ERC1: variants seen among roughly 807,000 people sequenced by gnomAD.
The protein encoded by ERC1 is ELKS/RAB6-interacting/CAST family member 1.
A neutral mutation model predicts 132.0 loss-of-function variants in ERC1; 56 were observed. The observed-to-expected ratio is 0.42, with a 90% CI of 0.34 to 0.53. The LOEUF is 0.53. Among genes scored for constraint, ERC1 ranks in the 20% least tolerant of loss-of-function variants. ERC1 has a pLI of 0.03. For missense variants in ERC1, 1,202 were observed against 1,349.9 expected (o/e 0.89, Z 1.72); for synonymous variants, 478 against 476.1 (o/e 1.00, Z -0.05).
At chr12:1,176,115 A>G (rs986360403) in intron 8 of ERC1, among the ~76,000 whole-genome samples, 2 of 152,236 alleles carry the variant, frequency 1.3e-5, no homozygotes. Context: ...CAGATCCATC[A>G]GAGGAATCAC....
At chr12:1,104,985 G>T (rs1945092536) in intron 4 of ERC1, among the ~76,000 whole-genome samples, 161 bp downstream of exon 4, 1 of 152,184 alleles carries the variant, frequency 6.6e-6, no homozygotes. Flanking sequence ...AAGAATTTCA[G>T]TTTTATTTCC....
chr12:1,164,953 C>A (rs1164670013), intron 8 of ERC1, among the ~76,000 whole-genome samples: 2 of 152,082 alleles, frequency 1.3e-5, no homozygotes, highest in African/African-American at 4.8e-5. Flanking sequence ...GTGTTTTAAT[C>A]TGTTATTTTT....
chr12:1,318,984 GAGGTT>G (rs2081949235), intron 15 of ERC1, among the ~76,000 whole-genome samples: 1 of 152,134 alleles, frequency 6.6e-6, no homozygotes, highest in Non-Finnish European at 1.5e-5. Context: ...TTTTGAAGAA[GAGGTT>G]ATGGAAAAGC....
intron 15 of ERC1, among the ~76,000 whole-genome samples, chr12:1,321,660 G>C (rs2082124772): frequency 6.6e-6 from 1 of 152,162 alleles, no homozygotes; most frequent in African/African-American, 2.4e-5. Flanking sequence ...TACTGGGAAA[G>C]CATGCAGTTG....
At position 1,396,779 on chromosome 12, in the gene ERC1, A is replaced by G. The variant is rs1591763617; in HGVS notation, c.2926-11370A>G. Among the ~76,000 whole-genome samples, 3 of 152,196 alleles carry G rather than the reference A, an allele frequency of 2.0e-5. No homozygotes were observed. The East Asian group carries it at 5.8e-4, about 29-fold the overall frequency. ...AAGGACTTGGGTTTACAAAATGCCT[A>G]TACAGAGAATGGAGGTGAGGCATTG... On this transcript the variant is annotated intron_variant, in intron 16 of 18. Transcript: ENST00000360905.
intron 2 of ERC1, among the ~76,000 whole-genome samples, chr12:1,035,425 G>C (rs549259419): frequency 6.6e-6 from 1 of 152,324 alleles, no homozygotes; most frequent in Non-Finnish European, 1.5e-5. Context: ...AGATGTTTCT[G>C]ATATAAATAC....
chr12:993,149 A>C (rs1960014565), intron 1 of ERC1, among the ~76,000 whole-genome samples: 1 of 152,092 alleles, frequency 6.6e-6, no homozygotes, highest in Admixed American at 6.5e-5. Context: ...ATTATAAATA[A>C]AAGATTTAAT....
At chr12:1,020,325 C>T (rs549402028) in intron 1 of ERC1, among the ~76,000 whole-genome samples, 14 of 152,216 alleles carry the variant, frequency 9.2e-5, no homozygotes, top group Admixed American at 4.6e-4. Context: ...GGCCTGGTGG[C>T]ACATGCCTGT....
At chr12:1,224,540 C>G (rs757950055) in intron 12 of ERC1, among the ~76,000 whole-genome samples, 4 of 152,012 alleles carry the variant, frequency 2.6e-5, no homozygotes, top group Non-Finnish European at 5.9e-5. Flanking sequence ...CCATACTGTA[C>G]TACTTTGTAT....
rs765241171 is a variant in ERC1, at chr12:1,444,742, C to T, written c.3205C>T (p.Arg1069Trp). The T allele has an allele frequency of 6.2e-6, 10 of 1,613,160 alleles. No individual in the cohort carries two copies. Among genetic ancestry groups the T allele is most frequent in the African/African-American group, 4.0e-5 (3 of 74,768 alleles). The stretch of plus-strand genomic sequence containing the variant: ...GGAGAATGAGCTGCAGAAGATGACC[C>T]GGGGGCAGGTGAGCCTCTCACTCAA... ...AWENELQKMT[R>W]GQLQDELEKG... The change falls in exon 18 of 19, where the codon CGG becomes TGG. Residue 1069 changes from arginine to tryptophan, a missense_variant. Physicochemically the swap from Arg to Trp is moderately radical, Grantham distance 101. Coordinates refer to ENST00000360905, the MANE Select transcript of ERC1 (RefSeq NM_178040.4).
At chr12:1,029,608 T>C (rs1639423335) in intron 2 of ERC1, among the ~76,000 whole-genome samples, 1 of 152,156 alleles carries the variant, frequency 6.6e-6, no homozygotes, top group Non-Finnish European at 1.5e-5. Context: ...CAGGAAATAT[T>C]CACTTATTTT....
At chr12:1,345,376 G>T (rs969270971) in intron 15 of ERC1, among the ~76,000 whole-genome samples, 1 of 151,916 alleles carries the variant, frequency 6.6e-6, no homozygotes, top group East Asian at 1.9e-4. Flanking sequence ...GTAGAAATGG[G>T]ATTTCACCGT....
At chr12:1,387,291 TG>T (rs1257542920) in intron 16 of ERC1, among the ~76,000 whole-genome samples, 7 of 152,176 alleles carry the variant, frequency 4.6e-5, no homozygotes, top group Admixed American at 2.6e-4. Context: ...TTAAGATTTT[TG>T]GGGATACTGG....
intron 17 of ERC1, among the ~76,000 whole-genome samples, chr12:1,413,255 T>TA (rs532585239): frequency 1.1e-4 from 17 of 150,678 alleles, no homozygotes; most frequent in African/African-American, 2.7e-4. Flanking sequence ...CCTCCACTCA[T>TA]AAAAAAAAAT....
At chr12:1,148,736 G>A (rs1043244198) in intron 8 of ERC1, among the ~76,000 whole-genome samples, 1 of 152,040 alleles carries the variant, frequency 6.6e-6, no homozygotes, top group African/African-American at 2.4e-5. Context: ...TGAGCAGCTG[G>A]GATTACAGGC....
chr12:993,633 G>A (rs181380497), intron 1 of ERC1, among the ~76,000 whole-genome samples: 4 of 152,262 alleles, frequency 2.6e-5, no homozygotes, highest in East Asian at 1.9e-4. Flanking sequence ...GCCGGGCGCC[G>A]TGGCTCATGC....
At chr12:1,128,629 A>G (rs751589027) in intron 7 of ERC1, among the ~76,000 whole-genome samples, 2 of 152,180 alleles carry the variant, frequency 1.3e-5, no homozygotes, top group Non-Finnish European at 2.9e-5. Context: ...CATCTGTGAG[A>G]AGAATAATAG....
chr12:1,011,239 C>A lies in ERC1; in HGVS notation c.-156-16509C>A, dbSNP rs142630399. Among the ~76,000 whole-genome samples, 25 of 152,214 alleles carry A rather than the reference C, an allele frequency of 1.6e-4. No individual in the cohort carries two copies. In the East Asian group the frequency reaches 3.9e-3, roughly 24 times the overall value. ...TTTGAGACAAGGTCTCACTCCGTCA[C>A]CCAGGCTGGAGTGCAGTGTTGCCAT... On this transcript the variant is annotated intron_variant, in intron 1 of 18. Transcript: ENST00000360905.
At chr12:1,165,772 G>A (rs1476486895) in intron 8 of ERC1, among the ~76,000 whole-genome samples, 1 of 152,196 alleles carries the variant, frequency 6.6e-6, no homozygotes, top group Non-Finnish European at 1.5e-5. Flanking sequence ...CTAGCACTGA[G>A]GGGTTAATTT....
Sources: gnomAD v4.1 joint callset for allele counts (sites outside exome capture counted in the v4.1 genomes callset) on GRCh38, gnomAD v4.1.1 for gene constraint, MANE v1.5 for transcripts, NCBI Gene and HGNC (gene_info 2026-07-23, HGNC 2026-07-21) for gene names.